SLC9B1: variants seen among roughly 807,000 people sequenced by gnomAD.
The protein encoded by SLC9B1 is sodium/hydrogen exchanger 9B1.
Under a neutral mutation model 51.7 loss-of-function variants are expected in SLC9B1, and 32 were observed. The observed-to-expected ratio is 0.62, with a 90% confidence interval of 0.47 to 0.83. The LOEUF (loss-of-function observed/expected upper bound fraction) is 0.83, where lower values mean the gene tolerates loss of function less well. SLC9B1 is among the 40% of genes least tolerant of loss of function. The pLI is 0.00. For missense variants in SLC9B1, 406 were observed against 613.2 expected, an observed-to-expected ratio of 0.66 and a Z score of 3.57; for synonymous variants, 145 against 212.7, an observed-to-expected ratio of 0.68 and a Z score of 2.77.
chr4:102,969,989 G>A (rs1738663588), intron 3 of SLC9B1, among the ~76,000 whole-genome samples: 1 of 152,174 alleles, frequency 6.6e-6, no homozygotes, highest in African/African-American at 2.4e-5. Flanking sequence ...GGGACTATGT[G>A]AAAAGACCAA....
At chr4:102,892,044 A>C (rs1734272103) in intron 11 of SLC9B1, 1 of 152,188 alleles carries the variant, frequency 6.6e-6, no homozygotes, top group African/African-American at 2.4e-5. Context: ...ATGTTCAGCA[A>C]GTAAACTAAT....
intron 7 of SLC9B1, among the ~76,000 whole-genome samples, chr4:102,915,331 A>G (rs1219402461): frequency 6.6e-6 from 1 of 152,228 alleles, no homozygotes; most frequent in Non-Finnish European, 1.5e-5. Flanking sequence ...AGGTAAATAT[A>G]TGAGTGAACA....
In SLC9B1 at chr4:102,935,599, C is replaced by T. The variant is rs186721964; in HGVS notation, c.654-3300G>A. 1.6e-4 allele frequency among the ~76,000 whole-genome samples: 24 copies of T among 152,248 alleles called. No homozygotes were observed. The East Asian group carries it at 3.1e-3, about 20-fold the overall frequency. On this transcript the variant is annotated intron_variant, in intron 6 of 11. Transcript: ENST00000296422. ...TTATACAATTAAAAGGAATAAACTACGTGTGTATCCATCTTGAGATGGATA... is the reference window on the plus strand; with the variant it reads ...TTATACAATTAAAAGGAATAAACTATGTGTGTATCCATCTTGAGATGGATA...
Position 102,910,520 on chromosome 4 carries a change from T to C in SLC9B1, c.1005A>G (p.Gln335=), listed in dbSNP as rs1735286874. Residue 335 remains glutamine (Q), a synonymous_variant, in exon 9 of 12, where the codon CAA becomes CAG. Transcript: ENST00000296422. ...CTCCAGATCCATGTAAACCAATACG[T>C]TGGCTGCCTAAGACGGCAGAAACAC... ...TMCVSAVLGS[Q]RIGLHGSGGL... 2 of 1,559,928 alleles carry C rather than the reference T, an allele frequency of 1.3e-6. No individual in the cohort carries two copies. The highest frequency in any genetic ancestry group is 1.2e-5 in the South Asian group (1 of 80,596).
chr4:102,957,177 T>G (rs1387825881), intron 3 of SLC9B1, among the ~76,000 whole-genome samples: 3 of 152,048 alleles, frequency 2.0e-5, no homozygotes, highest in Non-Finnish European at 4.4e-5. Flanking sequence ...CCTCAGAAAC[T>G]TATGGGATAC....
At chr4:102,891,051 A>G (rs1332263644) in intron 11 of SLC9B1, 1 of 151,126 alleles carries the variant, frequency 6.6e-6, no homozygotes, top group Non-Finnish European at 1.5e-5. Flanking sequence ...AATCATTGAT[A>G]GATCCAGAAC....
At chr4:102,936,018 C>G (rs1736704957) in intron 6 of SLC9B1, among the ~76,000 whole-genome samples, 1 of 152,076 alleles carries the variant, frequency 6.6e-6, no homozygotes, top group Admixed American at 6.5e-5. Flanking sequence ...CTGGCTGGCA[C>G]ACCCCATCAG....
At chr4:102,916,801 G>A (rs1458601802) in intron 7 of SLC9B1, among the ~76,000 whole-genome samples, 1 of 152,202 alleles carries the variant, frequency 6.6e-6, no homozygotes, top group Non-Finnish European at 1.5e-5. Context: ...TAATAAATAT[G>A]TGGAAATTAC....
chr4:102,916,093 T>A (rs1578342614), intron 7 of SLC9B1, among the ~76,000 whole-genome samples: 2 of 152,170 alleles, frequency 1.3e-5, no homozygotes, highest in East Asian at 3.8e-4. Flanking sequence ...AGCCCCTCCC[T>A]ATCAGTAACT....
intron 3 of SLC9B1, among the ~76,000 whole-genome samples, chr4:102,950,837 T>C (rs1737516237): frequency 6.6e-6 from 1 of 152,012 alleles, no homozygotes; most frequent in African/African-American, 2.4e-5. Context: ...CTATTAAAAA[T>C]ACAAACAATT....
Position 102,901,328 on chromosome 4 carries a change from A to G in SLC9B1, c.1337T>C (p.Val446Ala), listed in dbSNP as rs1327935654. 6 of 1,510,482 alleles carry G rather than the reference A, an allele frequency of 4.0e-6. No individual in the cohort carries two copies. Among genetic ancestry groups the G allele is most frequent in the Middle Eastern group, 2.3e-4 (1 of 4,294 alleles). The allele number at this position is 1,510,482 out of a possible 1,614,324, so 93.6% of individuals were successfully genotyped here. ...TGTTTCTAGAGCCAGAGGACCTAAC[A>G]CAGCCTGCATTTAGGGGTAAAAATG... ...AWMPKATVQA[V>A]LGPLALETAR... Residue 446 changes from valine to alanine, a missense_variant, in exon 12 of 12, where the codon GTG becomes GCG. Physicochemically the swap from Val to Ala is moderately conservative, Grantham distance 64. Coordinates refer to ENST00000296422, the MANE Select transcript of SLC9B1 (RefSeq NM_139173.4).
chr4:102,967,760 A>G (rs115557308), intron 3 of SLC9B1, among the ~76,000 whole-genome samples: 1,752 of 152,306 alleles, frequency 0.012, 38 homozygotes, highest in African/African-American at 0.04. Context: ...TTCCAACATG[A>G]GTTTTGGTAA....
chr4:102,947,631 G>T (rs986963510), intron 4 of SLC9B1, among the ~76,000 whole-genome samples: 4 of 152,216 alleles, frequency 2.6e-5, no homozygotes, highest in Admixed American at 6.5e-5. Flanking sequence ...GGGATTATGG[G>T]CATGAGCCAC....
chr4:102,896,502 T>C (rs1197286151), downstream of SLC9B1, among the ~76,000 whole-genome samples: 3 of 152,090 alleles, frequency 2.0e-5, no homozygotes, highest in African/African-American at 7.2e-5. Flanking sequence ...ACAAACATAG[T>C]GAGAGATTTT....
chr4:102,901,392 T>A, intron 11 of SLC9B1, 60 bp from the exon 12 acceptor site: 6 of 1,586,352 alleles, frequency 3.8e-6, no homozygotes, highest in East Asian at 2.3e-5. Context: ...TGATATATAA[T>A]GTAAATGGCT....
intron 11 of SLC9B1, among the ~76,000 whole-genome samples, chr4:102,902,311 C>T (rs1734826268): frequency 6.6e-6 from 1 of 152,062 alleles, no homozygotes; most frequent in African/African-American, 2.4e-5. Context: ...TGATATGGAA[C>T]ATTATGGCAA....
At chr4:102,885,473 A>G in intron 11 of SLC9B1, 1 of 1,503,328 alleles carries the variant, frequency 6.7e-7, no homozygotes, top group Non-Finnish European at 9.2e-7. Context: ...TTGCAGTGCT[A>G]GGATTGTTTC....
chr4:102,960,005 T>TA (rs941813189), intron 3 of SLC9B1, among the ~76,000 whole-genome samples: 1 of 151,538 alleles, frequency 6.6e-6, no homozygotes, highest in East Asian at 1.9e-4. Flanking sequence ...TTTTTTTTTT[T>TA]AAAAGAAAAA....
intron 3 of SLC9B1, among the ~76,000 whole-genome samples, chr4:102,957,068 C>G (rs1737848874): frequency 6.6e-6 from 1 of 152,016 alleles, no homozygotes; most frequent in African/African-American, 2.4e-5. Flanking sequence ...GCATATTTGA[C>G]CTTGTGAAAG....
Sources: gnomAD v4.1 joint callset for allele counts (sites outside exome capture counted in the v4.1 genomes callset) on GRCh38, gnomAD v4.1.1 for gene constraint, MANE v1.5 for transcripts, NCBI Gene and HGNC (gene_info 2026-07-23, HGNC 2026-07-21) for gene names.